Variants in TMCO6 observed in about 807,000 individuals in gnomAD.
The protein encoded by TMCO6 is transmembrane and coiled-coil domain-containing protein 6.
In TMCO6, 47 loss-of-function variants were observed where a neutral mutation model predicts 61.8. The observed-to-expected ratio is 0.76, with a 90% confidence interval of 0.60 to 0.97. TMCO6 has a LOEUF of 0.97. Among genes scored for constraint, TMCO6 ranks in the 50% least tolerant of loss-of-function variants. The pLI, the probability that TMCO6 is intolerant of heterozygous loss-of-function variation, is 0.00. For synonymous variants in TMCO6, 261 were observed against 254.2 expected (o/e 1.03, Z -0.25); for missense variants, 557 against 601.6 (o/e 0.93, Z 0.78).
At chr5:140,645,499 G>A (rs1757342862), downstream of TMCO6, 4 of 1,516,622 alleles carry the variant, frequency 2.6e-6, no homozygotes, top group African/African-American at 1.4e-5. Context: ...GCTTTATGAG[G>A]AATAGGAGAA....
the TMCO6 span, among the ~76,000 whole-genome samples, chr5:140,607,248 A>C: frequency 6.6e-6 from 1 of 152,152 alleles, no homozygotes. Context: ...CCATCTGACT[A>C]AGCTTACCTA....
upstream of TMCO6, among the ~76,000 whole-genome samples, chr5:140,637,771 T>C (rs1756804334): frequency 6.6e-6 from 1 of 152,218 alleles, no homozygotes; most frequent in South Asian, 2.1e-4. Flanking sequence ...CATTCCTTTC[T>C]ATTGATTTCA....
chr5:140,639,395 C>A, upstream of TMCO6: 2 of 891,922 alleles, frequency 2.2e-6, no homozygotes, highest in Non-Finnish European at 1.7e-6. Flanking sequence ...CCTCACCCAG[C>A]ACCCACCCCG....
At chr5:140,624,449 C>T in the TMCO6 span, among the ~76,000 whole-genome samples, 9 of 152,116 alleles carry the variant, frequency 5.9e-5, no homozygotes, top group Non-Finnish European at 8.8e-5. Context: ...ACTATAACCG[C>T]GCTTTAATTT....
chr5:140,639,498 T>C lies in TMCO6; in HGVS notation c.-30T>C. 6.5e-7 allele frequency: 1 copy of C among 1,547,404 alleles called. No individual in the cohort carries two copies. The highest frequency in any genetic ancestry group is 8.7e-7 in the Non-Finnish European group (1 of 1,144,910). ...CCCCTGGGAGCGTTGTGGCTGCTGTTTCCTTCGGCTTTCCTCCTCCTGCTC... is the reference window on the plus strand; with the variant it reads ...CCCCTGGGAGCGTTGTGGCTGCTGTCTCCTTCGGCTTTCCTCCTCCTGCTC... On this transcript the variant is annotated 5_prime_UTR_variant, in exon 1 of 12. Coordinates refer to ENST00000394671, the MANE Select transcript of TMCO6 (RefSeq NM_018502.5).
the TMCO6 span, among the ~76,000 whole-genome samples, chr5:140,619,918 C>G: frequency 6.6e-6 from 1 of 152,210 alleles, no homozygotes; most frequent in Non-Finnish European, 1.5e-5. Flanking sequence ...TGTGGAGCAA[C>G]AGGAACTCTC....
In TMCO6 at chr5:140,644,107, TCCTAGTTTCTGTACCTCCTTGCTCTCC is replaced by T. The variant is rs1484456564; in HGVS notation, c.1115_1141del (p.Pro372_Ser380del). ...CTGGTACTTCTCTTCCAGCAAACAG[TCCTAGTTTCTGTACCTCCTTGCTCTCC>T]CTGGATCTGATTGAGCCTCTCTTAC... is the stretch of plus-strand genomic sequence containing the variant. On this transcript the variant is annotated inframe_deletion, in exon 10 of 12. Transcript: ENST00000394671. The T allele has an allele frequency of 6.2e-7, 1 of 1,614,164 alleles. No individual in the cohort carries two copies.
chr5:140,642,112 G>T, intron 4 of TMCO6, 59 bp downstream of exon 4: 1 of 1,567,590 alleles, frequency 6.4e-7, no homozygotes, highest in South Asian at 1.2e-5. Flanking sequence ...GTGCTTTTGG[G>T]ACCAGTTTGA....
At chr5:140,600,821 C>T in the TMCO6 span, among the ~76,000 whole-genome samples, 2 of 152,098 alleles carry the variant, frequency 1.3e-5, no homozygotes, top group South Asian at 2.1e-4. Context: ...AAATGTTCCA[C>T]GGTCAGATAC....
chr5:140,626,980 A>G, the TMCO6 span, among the ~76,000 whole-genome samples: 9 of 152,202 alleles, frequency 5.9e-5, no homozygotes, highest in Admixed American at 1.3e-4. Context: ...GACAGAATTT[A>G]TATTTCATAA....
chr5:140,604,116 T>G, the TMCO6 span, among the ~76,000 whole-genome samples: 8 of 152,190 alleles, frequency 5.3e-5, no homozygotes, highest in African/African-American at 1.9e-4. Flanking sequence ...CATCTTTTCA[T>G]ATGCTTGTTA....
chr5:140,619,095 AT>A, the TMCO6 span, among the ~76,000 whole-genome samples: 1 of 152,238 alleles, frequency 6.6e-6, no homozygotes, highest in East Asian at 1.9e-4. Flanking sequence ...GATGTGCAAA[AT>A]ATACAAAGAA....
At chr5:140,605,739 A>ACACAC in the TMCO6 span, among the ~76,000 whole-genome samples, 14 of 39,718 alleles carry the variant, frequency 3.5e-4, no homozygotes, top group African/African-American at 9.5e-4. Flanking sequence ...ACACACACAC[A>ACACAC]AAGAAAGAAG....
At chr5:140,645,519 T>C (rs1217347493), downstream of TMCO6, 18 of 1,590,404 alleles carry the variant, frequency 1.1e-5, no homozygotes, top group African/African-American at 2.7e-5. Flanking sequence ...ACACATTTTT[T>C]TCACATTATA....
chr5:140,645,531 T>A (rs766127050), downstream of TMCO6: 1 of 1,604,968 alleles, frequency 6.2e-7, no homozygotes, highest in Non-Finnish European at 8.5e-7. Context: ...CACATTATAC[T>A]AAGTCCAGCA....
chr5:140,632,713 C>T, the TMCO6 span: 16 of 1,613,556 alleles, frequency 9.9e-6, no homozygotes, highest in Non-Finnish European at 1.4e-5. This position sits in a 1 kb window ranked among gnomAD's most constrained non-coding sequence, Gnocchi z 6.2. Context: ...AGCCGCCGCA[C>T]GCGGAGAGCC....
At chr5:140,631,162 C>T in the TMCO6 span, among the ~76,000 whole-genome samples, 19 of 152,160 alleles carry the variant, frequency 1.2e-4, no homozygotes, top group Non-Finnish European at 2.5e-4. Flanking sequence ...GTTCCCTAGG[C>T]CCAAATTTCC....
chr5:140,619,930 TTCATTGCTG>T, the TMCO6 span, among the ~76,000 whole-genome samples: 1 of 152,236 alleles, frequency 6.6e-6, no homozygotes, highest in Non-Finnish European at 1.5e-5. Flanking sequence ...GGAACTCTCA[TTCATTGCTG>T]GTGGAAATGC....
chr5:140,606,595 C>T, the TMCO6 span, among the ~76,000 whole-genome samples: 1 of 152,042 alleles, frequency 6.6e-6, no homozygotes, highest in African/African-American at 2.4e-5. Flanking sequence ...ACAGTATAAA[C>T]AAGGGTGGTC....
Sources: gnomAD v4.1 joint callset for allele counts (sites outside exome capture counted in the v4.1 genomes callset) on GRCh38, gnomAD v4.1.1 for gene constraint, Gnocchi (gnomAD v3.1) non-coding constraint, MANE v1.5 for transcripts, NCBI Gene and HGNC (gene_info 2026-07-23, HGNC 2026-07-21) for gene names.